Variants in FMNL3 observed in about 807,000 individuals in gnomAD.
The protein encoded by FMNL3 is formin like 3.
Under a neutral mutation model 119.6 loss-of-function variants are expected in FMNL3, and 57 were observed. The ratio of observed to expected loss-of-function variants is 0.48; its 90% CI spans 0.39 to 0.59. The LOEUF (loss-of-function observed/expected upper bound fraction) is 0.59, where lower values mean the gene tolerates loss of function less well. Among genes scored for constraint, FMNL3 ranks in the 20% least tolerant of loss-of-function variants. The pLI, the probability that FMNL3 is intolerant of heterozygous loss-of-function variation, is 0.00. For missense variants in FMNL3, 1,053 were observed against 1,323.5 expected, an observed-to-expected ratio of 0.80 and a Z score of 3.17; for synonymous variants, 491 against 507.3, an observed-to-expected ratio of 0.97 and a Z score of 0.43.
chr12:49,671,135 C>G (rs1565882894), intron 1 of FMNL3, among the ~76,000 whole-genome samples: 1 of 152,232 alleles, frequency 6.6e-6, no homozygotes, highest in Non-Finnish European at 1.5e-5. Flanking sequence ...CTCAGCCACC[C>G]ACTGTCAGCA....
At chr12:49,650,973 C>T in intron 16 of FMNL3, 95 bp from the exon 17 acceptor site, 7 of 1,499,332 alleles carry the variant, frequency 4.7e-6, no homozygotes, top group Non-Finnish European at 6.5e-6. Context: ...AGCTCTGTCA[C>T]TCTGGAATAT....
chr12:49,669,260 C>T (rs976871613), intron 1 of FMNL3, among the ~76,000 whole-genome samples: 1 of 152,148 alleles, frequency 6.6e-6, no homozygotes, highest in Non-Finnish European at 1.5e-5. Context: ...GAAACACCTC[C>T]CAATTAATTA....
chr12:49,641,930 T>G lies in FMNL3; in HGVS notation c.*3885A>C, dbSNP rs542772866. On this transcript the variant is annotated 3_prime_UTR_variant, in exon 26 of 26. Transcript: ENST00000335154. The stretch of plus-strand genomic sequence containing the variant: ...CAGGACCGGGGCTTCTGCGTGGAGG[T>G]GAACACGGCCTTTGAGGACTTCGCC... 108 of 1,613,520 alleles carry G rather than the reference T, an allele frequency of 6.7e-5. 1 individual carries two copies. The South Asian group carries it at 1.2e-3, about 18-fold the overall frequency.
In FMNL3 at chr12:49,644,018, G is replaced by A. The variant is rs201769680; in HGVS notation, c.*1797C>T. 65 of 1,614,138 alleles carry A rather than the reference G, an allele frequency of 4.0e-5. No individual in the cohort carries two copies. Among genetic ancestry groups the A allele is most frequent in the Non-Finnish European group, 5.1e-5 (60 of 1,180,004 alleles). ...AAGAAGGAGAAGGTGAGGGGCAGGG[G>A]CCCTAGGCCAGTCAGCACGCTGGTC... is the stretch of plus-strand genomic sequence containing the variant. On this transcript the variant is annotated 3_prime_UTR_variant, in exon 26 of 26. Coordinates refer to ENST00000335154, the MANE Select transcript of FMNL3 (RefSeq NM_175736.5).
In FMNL3 at chr12:49,665,966, C is replaced by T. The variant is rs937035516; in HGVS notation, c.292-58G>A. The T allele has an allele frequency of 7.6e-6, 12 of 1,584,290 alleles. No homozygotes were observed. In the African/African-American group the frequency reaches 1.5e-4, roughly 20 times the overall value. ...AGAGGGCAGTTATAGACTTTCCCTCCATTACTGGCCAGCCATTCCAGGCCC... is the reference window on the plus strand; with the variant it reads ...AGAGGGCAGTTATAGACTTTCCCTCTATTACTGGCCAGCCATTCCAGGCCC... On this transcript the variant is annotated intron_variant, in intron 3 of 25. Transcript: ENST00000335154.
intron 1 of FMNL3, among the ~76,000 whole-genome samples, chr12:49,699,042 C>T (rs1224377061): frequency 1.3e-5 from 2 of 152,228 alleles, no homozygotes; most frequent in African/African-American, 4.8e-5. Flanking sequence ...AAAGTCATTT[C>T]CGAACCGCGA....
At chr12:49,706,478 G>A (rs1406441816) in intron 1 of FMNL3, among the ~76,000 whole-genome samples, 1 of 152,206 alleles carries the variant, frequency 6.6e-6, no homozygotes, top group African/African-American at 2.4e-5. Context: ...CCTGCAGGCC[G>A]TTCTGAAAAT....
At chr12:49,683,481 G>A (rs191415055) in intron 1 of FMNL3, among the ~76,000 whole-genome samples, 1 of 152,142 alleles carries the variant, frequency 6.6e-6, no homozygotes, top group East Asian at 1.9e-4. Flanking sequence ...TCCTCACAAT[G>A]TAAAATCTAA....
chr12:49,681,266 T>C (rs547285876), intron 1 of FMNL3, among the ~76,000 whole-genome samples: 1 of 152,346 alleles, frequency 6.6e-6, no homozygotes, highest in African/African-American at 2.4e-5. Flanking sequence ...AGTGGCGCGA[T>C]TTCAGCTCAC....
In FMNL3 at chr12:49,686,578, CAAAAAAAAAAAAA is replaced by C. The variant is rs746062262; in HGVS notation, c.127-18037_127-18025del. Among the ~76,000 whole-genome samples, 19 of 61,910 alleles carry C rather than the reference CAAAAAAAAAAAAA, an allele frequency of 3.1e-4. No homozygotes were observed. In the East Asian group the frequency reaches 7.9e-3, roughly 26 times the overall value. The allele number at this position is 61,910 out of a possible 152,430, so 40.6% of individuals were successfully genotyped here. A position where few individuals can be genotyped will look rare whatever the true frequency, so the allele number is the denominator to read the frequency against. On this transcript the variant is annotated intron_variant, in intron 1 of 25. Coordinates refer to ENST00000335154, the MANE Select transcript of FMNL3 (RefSeq NM_175736.5). ...GGGCGACAGAGCGAGACTTCATCTCCAAAAAAAAAAAAAAAAAAAAAAGTATTGAGCACCTTTA... is the reference window on the plus strand; with the variant it reads ...GGGCGACAGAGCGAGACTTCATCTCCAAAAAAAAAGTATTGAGCACCTTTA...
At chr12:49,650,966 T>TCTGGGCCAATGCTGGGTGGG in intron 16 of FMNL3, 88 bp from the exon 17 acceptor site, 1 of 1,494,488 alleles carries the variant, frequency 6.7e-7, no homozygotes, top group Non-Finnish European at 9.3e-7. Context: ...GGCCCAGAGC[T>TCTGGGCCAATGCTGGGTGGG]CTGTCACTCT....
chr12:49,682,350 G>A (rs568241072), intron 1 of FMNL3, among the ~76,000 whole-genome samples: 2 of 151,916 alleles, frequency 1.3e-5, no homozygotes, highest in East Asian at 1.9e-4. Flanking sequence ...GATTACAGGC[G>A]TGAGCCACCG....
intron 1 of FMNL3, among the ~76,000 whole-genome samples, chr12:49,676,520 GTT>G (rs58117011): frequency 2.2e-3 from 226 of 102,984 alleles, no homozygotes; most frequent in Middle Eastern, 4.8e-3. Flanking sequence ...TTCATAGTGG[GTT>G]TTTTTTTTTT....
chr12:49,642,299 G>A lies in FMNL3; in HGVS notation c.*3516C>T, dbSNP rs1023854423. 17 of 1,614,058 alleles carry A rather than the reference G, an allele frequency of 1.1e-5. 1 individual carries two copies. The highest frequency in any genetic ancestry group is 3.3e-5 in the South Asian group (3 of 91,094). On this transcript the variant is annotated 3_prime_UTR_variant, in exon 26 of 26. Coordinates refer to ENST00000335154, the MANE Select transcript of FMNL3 (RefSeq NM_175736.5). The surrounding 1 kb of genome is among the most constrained non-coding windows in gnomAD (Gnocchi z 5.8). ...AAGGAGGAGGCACGCAGGATGCGGC[G>A]CAGGGAAGCTGCCTTTCGAAGCATG...
In FMNL3 at chr12:49,657,094, G is replaced by T. The variant is rs201526511; in HGVS notation, c.702C>A (p.Ile234=). 24 of 1,614,086 alleles carry T rather than the reference G, an allele frequency of 1.5e-5. No homozygotes were observed. In the East Asian group the frequency reaches 5.3e-4, roughly 36 times the overall value. ...VHVCILCLRA[I]MNYQYGFNLV... is the part of the protein sequence containing the mutation. Reference sequence around the variant, plus strand: ...GCTTCCCCCTTACCTGATAGTTCATGATGGCTCTGAGACAAAGGATACAGA... The same window carrying T: ...GCTTCCCCCTTACCTGATAGTTCATTATGGCTCTGAGACAAAGGATACAGA... Residue 234 remains isoleucine, a synonymous_variant, in exon 7 of 26, where the codon ATC becomes ATA. Transcript: ENST00000335154.
Position 49,651,989 on chromosome 12 carries a change from A to C in FMNL3, c.1547T>G (p.Leu516Arg), listed in dbSNP as rs754549364. The C allele has an allele frequency of 1.2e-6, 2 of 1,606,886 alleles. No individual in the cohort carries two copies. Among genetic ancestry groups the C allele is most frequent in the Non-Finnish European group, 1.7e-6 (2 of 1,176,648 alleles). The change falls in exon 14 of 26, where the codon CTG becomes CGG. Residue 516 changes from leucine to arginine, a missense_variant. By Grantham distance (102) the Leu-to-Arg change is moderately radical. Transcript: ENST00000335154. ...CGGAGCTGGTGGTGGAGGAAGAGGC[A>C]GGACCTCCTCAGGGGGTGGGGCTGG... ...LAPAPPPEEV[L>R]PLPPPPAPPL...
chr12:49,688,332 G>A, intron 1 of FMNL3: 1 of 448,530 alleles, frequency 2.2e-6, no homozygotes, highest in South Asian at 1.6e-5. Context: ...TCTCCACACA[G>A]CAGACAAGAG....
At chr12:49,656,325 G>T in intron 9 of FMNL3, 79 bp downstream of exon 9, 1 of 1,110,658 alleles carries the variant, frequency 9.0e-7, no homozygotes, top group Non-Finnish European at 1.3e-6. Context: ...CAGATCACAG[G>T]AAATGGTGCT....
rs1324796120 is a variant in FMNL3, at chr12:49,638,269, A to G, written c.*7546T>C. 1 of 154,256 alleles carries G rather than the reference A, an allele frequency of 6.5e-6. No individual in the cohort carries two copies. Among genetic ancestry groups the G allele is most frequent in the East Asian group, 1.9e-4 (1 of 5,258 alleles). 9.6% of individuals were successfully genotyped at this position (154,256 alleles called of 1,614,324 possible). A position where few individuals can be genotyped will look rare whatever the true frequency, so the allele number is the denominator to read the frequency against. ...CTGGCCTGTACAGTGTTCTGTAAAA[A>G]TTTGGAATTTGTTGCTAACATTTTA... On this transcript the variant is annotated 3_prime_UTR_variant, in exon 26 of 26. Transcript: ENST00000335154.
Sources: allele counts gnomAD v4.1 joint callset (sites outside exome capture counted in the v4.1 genomes callset), GRCh38; gene constraint gnomAD v4.1.1; non-coding constraint Gnocchi (gnomAD v3.1); transcripts MANE v1.5; gene names NCBI Gene and HGNC (gene_info 2026-07-23, HGNC 2026-07-21).